HGSNAT: variants seen among roughly 807,000 people sequenced by gnomAD.
HGSNAT encodes the protein transmembrane protein 76.
HGSNAT carries 59 observed loss-of-function variants against 85.2 expected under a neutral mutation model. The observed-to-expected ratio is 0.69, with a 90% CI of 0.56 to 0.86. The LOEUF is 0.86. Among genes scored for constraint, HGSNAT ranks in the 40% least tolerant of loss-of-function variants. The pLI, the probability that HGSNAT is intolerant of heterozygous loss-of-function variation, is 0.00. For synonymous variants in HGSNAT, 321 were observed against 304.5 expected, an observed-to-expected ratio of 1.05 and a Z score of -0.56; for missense variants, 756 against 777.1, an observed-to-expected ratio of 0.97 and a Z score of 0.32.
At chr8:43,178,260 T>C (rs1400736951) in intron 10 of HGSNAT, 26 bp downstream of exon 10, 1 of 1,445,762 alleles carries the variant, frequency 6.9e-7, no homozygotes, top group Non-Finnish European at 9.2e-7. Context: ...CTCTGTTATA[T>C]ATATTCAGGT....
Position 43,158,711 on chromosome 8 carries a change from G to T in HGSNAT, c.371G>T (p.Arg124Met). ...ACCTTGGAAGAGAAAGAAGTTTGTA[G>T]GTTTGTGCCTGCTTTGTTGTGATCT... is the stretch of plus-strand genomic sequence containing the variant. ...NDTLEEKEVC[R>M]LEYRFGEFGN... Residue 124 changes from arginine to methionine, a missense_variant and splice_region_variant, in exon 3 of 18, where the codon AGG becomes ATG. Arg to Met is a moderately conservative substitution (Grantham distance 91). Coordinates refer to ENST00000379644, the MANE Select transcript of HGSNAT (RefSeq NM_152419.3). 6.3e-7 allele frequency: 1 copy of T among 1,597,114 alleles called. No individual in the cohort carries two copies. Among genetic ancestry groups the T allele is most frequent in the Non-Finnish European group, 8.5e-7 (1 of 1,171,384 alleles).
At position 43,140,489 on chromosome 8, in the gene HGSNAT, C is replaced by T. The variant is rs1385112115; in HGVS notation, c.-8C>T. 5 of 1,005,078 alleles carry T rather than the reference C, an allele frequency of 5.0e-6. No homozygotes were observed. Among genetic ancestry groups the T allele is most frequent in the Admixed American group, 5.9e-5 (1 of 16,854 alleles). The allele number at this position is 1,005,078 out of a possible 1,614,324, so 62.3% of individuals were successfully genotyped here. A position where few individuals can be genotyped will look rare whatever the true frequency, so the allele number is the denominator to read the frequency against. ...GGGCAGGCAAGGGCGGCCGAGCGGG[C>T]GGCGGGCATGAGCGGGGCGGGCAGG... On this transcript the variant is annotated 5_prime_UTR_variant, in exon 1 of 18. Transcript: ENST00000379644.
At chr8:43,194,100 A>G in intron 14 of HGSNAT, 1 of 1,235,422 alleles carries the variant, frequency 8.1e-7, no homozygotes, top group Non-Finnish European at 1.0e-6. Flanking sequence ...CAGTTTCTAG[A>G]TAAAAGGTTT....
chr8:43,198,860 A>C (rs1233841057), intron 17 of HGSNAT, among the ~76,000 whole-genome samples: 1 of 152,162 alleles, frequency 6.6e-6, no homozygotes, highest in Non-Finnish European at 1.5e-5. Flanking sequence ...TTTCAGATTT[A>C]GTTTTCAAGA....
intron 10 of HGSNAT, among the ~76,000 whole-genome samples, chr8:43,181,424 G>C (rs746153953): frequency 2.2e-4 from 33 of 152,142 alleles, no homozygotes; most frequent in South Asian, 2.1e-4. Context: ...GAGGGCACTA[G>C]TCACTGTCCT....
chr8:43,141,362 G>T, intron 1 of HGSNAT, among the ~76,000 whole-genome samples: 1 of 152,128 alleles, frequency 6.6e-6, no homozygotes, highest in East Asian at 1.9e-4. Flanking sequence ...GACCCCGGGC[G>T]TTTGTCCGGT....
At chr8:43,172,994 C>CT (rs1401076686) in intron 8 of HGSNAT, among the ~76,000 whole-genome samples, 4 of 152,148 alleles carry the variant, frequency 2.6e-5, no homozygotes, top group East Asian at 3.9e-4. Flanking sequence ...AGTTTACTTT[C>CT]TTTTTTTAAA....
At chr8:43,152,755 T>C (rs2130698038) in intron 2 of HGSNAT, among the ~76,000 whole-genome samples, 1 of 152,160 alleles carries the variant, frequency 6.6e-6, no homozygotes, top group African/African-American at 2.4e-5. Context: ...CAGATCTGGA[T>C]GAAAATGATA....
intron 1 of HGSNAT, among the ~76,000 whole-genome samples, chr8:43,140,948 C>T (rs563843834): frequency 6.6e-6 from 1 of 152,298 alleles, no homozygotes; most frequent in South Asian, 2.1e-4. Flanking sequence ...CGCCGGGACC[C>T]CACAAACTGG....
In HGSNAT at chr8:43,140,562, G is replaced by C; in HGVS notation, c.66G>C (p.Leu22=). The C allele has an allele frequency of 8.2e-7, 1 of 1,214,964 alleles. No homozygotes were observed. The highest frequency in any genetic ancestry group is 4.0e-5 in the East Asian group (1 of 24,868). The allele number at this position is 1,214,964 out of a possible 1,614,324, so 75.3% of individuals were successfully genotyped here. ...CCGCGTCCGTGCTGAGCGCCGCGCT[G>C]CTGGCCCCCGGCGGCTCTTCGGGGC... ...LLAASVLSAA[L]LAPGGSSGRD... Residue 22 remains leucine (L), a synonymous_variant, in exon 1 of 18, where the codon CTG becomes CTC. Coordinates refer to ENST00000379644, the MANE Select transcript of HGSNAT (RefSeq NM_152419.3).
intron 1 of HGSNAT, among the ~76,000 whole-genome samples, chr8:43,146,503 A>T (rs1802716821): frequency 6.6e-6 from 1 of 152,208 alleles, no homozygotes; most frequent in African/African-American, 2.4e-5. Context: ...GGTCACAGGC[A>T]GTTATCTAAT....
At chr8:43,155,807 A>G (rs1803074046) in intron 2 of HGSNAT, among the ~76,000 whole-genome samples, 1 of 151,974 alleles carries the variant, frequency 6.6e-6, no homozygotes, top group Non-Finnish European at 1.5e-5. Flanking sequence ...AGCACTATTT[A>G]TTGAAGAGAC....
rs371671597 is a variant in HGSNAT at position 43,197,710 on chromosome 8, T to C, written c.1581T>C (p.Asn527=). 6.2e-7 allele frequency: 1 copy of C among 1,613,568 alleles called. No individual in the cohort carries two copies. ...ISVALTKVSE[N]EGFIPVNKNL... ...TTGCTCTGACGAAGGTTTCTGAAAA[T>C]GAAGGCTTTATTCCAGTAAACAAAA... The change falls in exon 16 of 18, where the codon AAT becomes AAC. Residue 527 remains asparagine, a synonymous_variant. Coordinates refer to ENST00000379644, the MANE Select transcript of HGSNAT (RefSeq NM_152419.3).
intron 12 of HGSNAT, among the ~76,000 whole-genome samples, chr8:43,191,857 A>G (rs1206719423): frequency 6.6e-6 from 1 of 152,038 alleles, no homozygotes; most frequent in African/African-American, 2.4e-5. Flanking sequence ...CATGAGCCAG[A>G]AGGACGTTTT....
intron 5 of HGSNAT, among the ~76,000 whole-genome samples, chr8:43,162,330 A>G (rs1017049355): frequency 2.0e-5 from 3 of 152,168 alleles, no homozygotes; most frequent in Non-Finnish European, 4.4e-5. Context: ...TACATCTTAG[A>G]AATAGTATAA....
rs58996359 is a variant in HGSNAT at position 43,178,594 on chromosome 8, CTTTT to C, written c.1012+377_1012+380del. On this transcript the variant is annotated intron_variant, in intron 10 of 17. Transcript: ENST00000379644. Reference sequence around the variant, plus strand: ...CTGCTAATGTGATTTCATCAGCTTTCTTTTTTTTTTTTTTTTTTTTAAATTTATT... The same window carrying C: ...CTGCTAATGTGATTTCATCAGCTTTCTTTTTTTTTTTTTTTTAAATTTATT... 1.3e-4 allele frequency among the ~76,000 whole-genome samples: 13 copies of C among 96,918 alleles called. No homozygotes were observed. In the East Asian group the frequency reaches 1.5e-3, roughly 11 times the overall value. 63.6% of individuals were successfully genotyped at this position (96,918 alleles called of 152,430 possible).
chr8:43,187,498 G>T (rs140597800), intron 11 of HGSNAT, among the ~76,000 whole-genome samples: 1 of 152,142 alleles, frequency 6.6e-6, no homozygotes, highest in African/African-American at 2.4e-5. Context: ...TTACCTGGTA[G>T]ATCTTCCTCC....
In HGSNAT at chr8:43,169,243, G is replaced by C. The variant is rs528466699; in HGVS notation, c.633+1G>C. ...AGAAACTGATCGCCTCATCAATTCTGTAAGTTATGAGATGCATAGTGTATT... is the reference window on the plus strand; with the variant it reads ...AGAAACTGATCGCCTCATCAATTCTCTAAGTTATGAGATGCATAGTGTATT... On this transcript the variant is annotated splice_donor_variant, in intron 6 of 17. Coordinates refer to ENST00000379644, the MANE Select transcript of HGSNAT (RefSeq NM_152419.3). LOFTEE classifies it high-confidence loss of function. 6.4e-7 allele frequency: 1 copy of C among 1,571,114 alleles called. No homozygotes were observed. The highest frequency in any genetic ancestry group is 2.3e-5 in the East Asian group (1 of 44,108).
intron 14 of HGSNAT, chr8:43,196,494 T>A (rs1159111059): frequency 9.3e-6 from 12 of 1,289,776 alleles, no homozygotes; most frequent in Middle Eastern, 2.1e-4. Flanking sequence ...TTGTGGAGAA[T>A]TCTCTTTGGG....
Sources: gnomAD v4.1 joint callset for allele counts (sites outside exome capture counted in the v4.1 genomes callset) on GRCh38, gnomAD v4.1.1 for gene constraint, MANE v1.5 for transcripts, NCBI Gene and HGNC (gene_info 2026-07-23, HGNC 2026-07-21) for gene names.